CDH13: variants seen among roughly 807,000 people sequenced by gnomAD.
CDH13 encodes the protein cadherin-13.
Under a neutral mutation model 63.8 loss-of-function variants are expected in CDH13, and 24 were observed. The ratio of observed to expected loss-of-function variants is 0.38; its 90% confidence interval spans 0.27 to 0.53. The LOEUF (loss-of-function observed/expected upper bound fraction) is 0.53, where lower values mean the gene tolerates loss of function less well. CDH13 is among the 20% of genes least tolerant of loss of function. The probability of loss-of-function intolerance (pLI) is 0.85; values close to 1 mark genes in which losing one functional copy is unlikely to be tolerated. For synonymous variants in CDH13, 503 were observed against 355.3 expected (o/e 1.42, Z -4.67); for missense variants, 1,049 against 903.1 (o/e 1.16, Z -2.07).
chr16:83,260,825 A>T lies in CDH13; in HGVS notation c.636+43328A>T, dbSNP rs1209317629. 2.0e-5 allele frequency among the ~76,000 whole-genome samples: 3 copies of T among 152,088 alleles called. No homozygotes were observed. In the East Asian group the frequency reaches 5.8e-4, roughly 29 times the overall value. On this transcript the variant is annotated intron_variant, in intron 5 of 13. Transcript: ENST00000567109. ...GCCTTCGATTGAATATTTAAAAGCC[A>T]CTTGGATGAAGTTAAAAGTCAGCAA...
Position 82,811,183 on chromosome 16 carries a change from C to G in CDH13, c.46-47179C>G, listed in dbSNP as rs77185638. ...TACCAGCTTGTCAAAGCTGATTACG[C>G]GAATTTCTTTCCAAATTCTTACTCA... On this transcript the variant is annotated intron_variant, in intron 1 of 13. Transcript: ENST00000567109. Among the ~76,000 whole-genome samples, 179 of 152,230 alleles carry G rather than the reference C, an allele frequency of 1.2e-3. 1 individual carries two copies. The highest frequency in any genetic ancestry group is 4.0e-3 in the African/African-American group (168 of 41,546).
chr16:83,292,725 A>G (rs946095050), intron 5 of CDH13, among the ~76,000 whole-genome samples: 2 of 152,148 alleles, frequency 1.3e-5, no homozygotes, highest in African/African-American at 4.8e-5. Context: ...ATCAGGTGAC[A>G]TTGTATTTGT....
At position 83,648,558 on chromosome 16, in the gene CDH13, T is replaced by C. The variant is rs536037900; in HGVS notation, c.1102-22232T>C. Among the ~76,000 whole-genome samples the C allele has an allele frequency of 2.0e-5, 3 of 152,176 alleles. No individual in the cohort carries two copies. The South Asian group carries it at 6.2e-4, about 32-fold the overall frequency. Reference sequence around the variant, plus strand: ...GCAGCTGCCCAGAGTGGTCAGTGAGTTACACTGGAGGCTTCAACCACTGGG... The same window carrying C: ...GCAGCTGCCCAGAGTGGTCAGTGAGCTACACTGGAGGCTTCAACCACTGGG... On this transcript the variant is annotated intron_variant, in intron 8 of 13. Coordinates refer to ENST00000567109, the MANE Select transcript of CDH13 (RefSeq NM_001257.5).
At chr16:83,037,122 C>G (rs1202298355) in intron 3 of CDH13, among the ~76,000 whole-genome samples, 1 of 152,204 alleles carries the variant, frequency 6.6e-6, no homozygotes, top group African/African-American at 2.4e-5. Flanking sequence ...TAGGGAGAGA[C>G]TAGAGCTACT....
At chr16:83,406,823 T>A (rs1454976224) in intron 6 of CDH13, among the ~76,000 whole-genome samples, 1 of 152,204 alleles carries the variant, frequency 6.6e-6, no homozygotes. Context: ...AAAACTGAAT[T>A]TTTTTTGTCT....
At chr16:82,761,046 T>TTTTTTTTTTTTTTTTTA (rs2034829776) in intron 1 of CDH13, among the ~76,000 whole-genome samples, 1 of 107,374 alleles carries the variant, frequency 9.3e-6, no homozygotes, top group African/African-American at 3.8e-5. Context: ...TTTTTTTTTT[T>TTTTTTTTTTTTTTTTTA]GGAGTCTCAC....
intron 6 of CDH13, among the ~76,000 whole-genome samples, chr16:83,476,893 G>C (rs1009616790): frequency 7.2e-5 from 11 of 152,136 alleles, no homozygotes. Flanking sequence ...ATTCAGCATA[G>C]AGTATCCTAT....
chr16:83,788,944 AC>A (rs1916072897), intron 13 of CDH13, among the ~76,000 whole-genome samples: 1 of 152,156 alleles, frequency 6.6e-6, no homozygotes, highest in South Asian at 2.1e-4. Context: ...ACAGTTAAAA[AC>A]AGGTGTTACC....
intron 5 of CDH13, among the ~76,000 whole-genome samples, chr16:83,218,316 C>T (rs1368193703): frequency 1.3e-5 from 2 of 152,186 alleles, no homozygotes; most frequent in Non-Finnish European, 2.9e-5. Context: ...CTGGGCAATG[C>T]GCTCAAGGGT....
chr16:83,799,055 T>C lies in CDH13; in HGVS notation c.*4025T>C, dbSNP rs1047988901. 1.5e-4 allele frequency: 23 copies of C among 152,090 alleles called. No individual in the cohort carries two copies. The highest frequency in any genetic ancestry group is 5.6e-4 in the African/African-American group (23 of 41,418). The allele number at this position is 152,090 out of a possible 1,614,324, so 9.4% of individuals were successfully genotyped here. A position where few individuals can be genotyped will look rare whatever the true frequency, so the allele number is the denominator to read the frequency against. The stretch of plus-strand genomic sequence containing the variant: ...AGCCGGGCATGGTGACTCATGCCTG[T>C]AATCCCAGCCCTTTGGGAGGCAGAG... On this transcript the variant is annotated 3_prime_UTR_variant, in exon 14 of 14. Transcript: ENST00000567109.
At chr16:83,260,620 T>A (rs1486628814) in intron 5 of CDH13, among the ~76,000 whole-genome samples, 1 of 152,182 alleles carries the variant, frequency 6.6e-6, no homozygotes, top group Non-Finnish European at 1.5e-5. Flanking sequence ...CTGATACTGC[T>A]GCTCCCCAAA....
At chr16:82,731,731 T>C (rs1171769141) in intron 1 of CDH13, among the ~76,000 whole-genome samples, 2 of 152,250 alleles carry the variant, frequency 1.3e-5, no homozygotes, top group African/African-American at 2.4e-5. Flanking sequence ...TGAGAATCAA[T>C]TGGCTGTGTG....
chr16:83,623,353 G>A (rs1034786744), intron 8 of CDH13, among the ~76,000 whole-genome samples: 1 of 152,132 alleles, frequency 6.6e-6, no homozygotes, highest in African/African-American at 2.4e-5. Flanking sequence ...TCAGCGCCTT[G>A]TTTCTCCCTG....
intron 8 of CDH13, among the ~76,000 whole-genome samples, chr16:83,645,462 G>T (rs80174056): frequency 6.6e-6 from 1 of 152,246 alleles, no homozygotes; most frequent in East Asian, 1.9e-4. Context: ...AGTGTTTGCT[G>T]TTTGGGTAAT....
At chr16:83,282,372 G>C (rs2089199747) in intron 5 of CDH13, among the ~76,000 whole-genome samples, 1 of 152,150 alleles carries the variant, frequency 6.6e-6, no homozygotes, top group Non-Finnish European at 1.5e-5. Context: ...CATTCGATTT[G>C]TAAAAAACAC....
intron 7 of CDH13, among the ~76,000 whole-genome samples, chr16:83,498,983 T>G (rs1330966089): frequency 6.6e-6 from 1 of 152,212 alleles, no homozygotes; most frequent in African/African-American, 2.4e-5. Context: ...ATTTGTTGAG[T>G]ATTTTGTCAA....
intron 11 of CDH13, among the ~76,000 whole-genome samples, chr16:83,765,268 G>C (rs1914289572): frequency 6.6e-6 from 1 of 152,102 alleles, no homozygotes; most frequent in Non-Finnish European, 1.5e-5. Context: ...AAATGAAACT[G>C]TCATGTTTAA....
At chr16:83,384,268 G>A (rs1028412524) in intron 6 of CDH13, among the ~76,000 whole-genome samples, 4 of 152,042 alleles carry the variant, frequency 2.6e-5, no homozygotes, top group African/African-American at 9.7e-5. Context: ...GATGTAACCA[G>A]CCTCTCAACC....
At chr16:83,749,972 T>C (rs1250225663) in intron 11 of CDH13, among the ~76,000 whole-genome samples, 2 of 152,196 alleles carry the variant, frequency 1.3e-5, no homozygotes, top group Non-Finnish European at 2.9e-5. Context: ...GCCTTAAGTT[T>C]CGTTTTTCTT....
Sources: gnomAD v4.1 joint callset for allele counts (sites outside exome capture counted in the v4.1 genomes callset) on GRCh38, gnomAD v4.1.1 for gene constraint, MANE v1.5 for transcripts, NCBI Gene and HGNC (gene_info 2026-07-23, HGNC 2026-07-21) for gene names.